CHRM3: variants seen among roughly 807,000 people sequenced by gnomAD.
CHRM3 encodes muscarinic acetylcholine receptor M3.
In CHRM3, 11 loss-of-function variants were observed where a neutral mutation model predicts 41.8. The ratio of observed to expected loss-of-function variants is 0.26; its 90% CI spans 0.17 to 0.44. The LOEUF (loss-of-function observed/expected upper bound fraction) is 0.44. Ranked by LOEUF, CHRM3 falls within the 20% of genes least tolerant of loss-of-function variation. CHRM3 has a pLI of 1.00. For missense variants in CHRM3, 571 were observed against 745.4 expected, an observed-to-expected ratio of 0.77 and a Z score of 2.72; for synonymous variants, 297 against 301.4, an observed-to-expected ratio of 0.99 and a Z score of 0.15.
intron 4 of CHRM3, among the ~76,000 whole-genome samples, chr1:239,642,626 T>C (rs1671298925): frequency 6.6e-6 from 1 of 152,212 alleles, no homozygotes; most frequent in Admixed American, 6.5e-5. Context: ...TCAGCTCCTT[T>C]AAGCACTTCT....
At chr1:239,405,678 G>T (rs1055479950) in intron 1 of CHRM3, among the ~76,000 whole-genome samples, 1 of 152,032 alleles carries the variant, frequency 6.6e-6, no homozygotes, top group African/African-American at 2.4e-5. Context: ...GCAGACAACT[G>T]CATTTGTGTG....
intron 1 of CHRM3, among the ~76,000 whole-genome samples, chr1:239,422,575 C>T (rs1316920435): frequency 2.0e-5 from 3 of 152,094 alleles, no homozygotes; most frequent in Admixed American, 2.0e-4. Context: ...GCAGGCGGAT[C>T]ATGAGGTCAG....
chr1:239,830,547 C>CA (rs1291246073), intron 6 of CHRM3, among the ~76,000 whole-genome samples: 3 of 151,990 alleles, frequency 2.0e-5, no homozygotes, highest in Non-Finnish European at 2.9e-5. Context: ...ATTAAAAATA[C>CA]AAAAAAACTA....
At chr1:239,592,412 A>C (rs1664280632) in intron 3 of CHRM3, among the ~76,000 whole-genome samples, 1 of 152,176 alleles carries the variant, frequency 6.6e-6, no homozygotes, top group African/African-American at 2.4e-5. Context: ...CTAAAAAAGA[A>C]AACACATGCC....
intron 5 of CHRM3, chr1:239,704,237 A>G (rs1335364646): frequency 2.0e-5 from 3 of 152,306 alleles, no homozygotes; most frequent in South Asian, 4.1e-4. Flanking sequence ...CCACTGATAC[A>G]GTGTTAAAGT....
At chr1:239,747,277 C>T (rs1040752809) in intron 5 of CHRM3, among the ~76,000 whole-genome samples, 1 of 152,062 alleles carries the variant, frequency 6.6e-6, no homozygotes, top group African/African-American at 2.4e-5. Context: ...CCACTATCTG[C>T]CAGGCATTGA....
At chr1:239,512,651 T>G (rs1286841093) in intron 2 of CHRM3, among the ~76,000 whole-genome samples, 1 of 152,144 alleles carries the variant, frequency 6.6e-6, no homozygotes, top group Non-Finnish European at 1.5e-5. Context: ...CTCTCCTGCT[T>G]TCTCTCACTC....
intron 1 of CHRM3, among the ~76,000 whole-genome samples, chr1:239,435,471 AAAAG>A (rs1293764991): frequency 6.6e-6 from 1 of 151,868 alleles, no homozygotes; most frequent in Non-Finnish European, 1.5e-5. Context: ...AAAAAAAAAA[AAAAG>A]AAGAAAAAAT....
intron 1 of CHRM3, among the ~76,000 whole-genome samples, chr1:239,419,834 A>G (rs1661803593): frequency 2.0e-5 from 3 of 152,220 alleles, no homozygotes; most frequent in African/African-American, 4.8e-5. Flanking sequence ...CGAGGGAACC[A>G]TCAAACTGAA....
At chr1:239,676,727 G>A (rs1160156085) in intron 4 of CHRM3, among the ~76,000 whole-genome samples, 1 of 152,144 alleles carries the variant, frequency 6.6e-6, no homozygotes, top group East Asian at 1.9e-4. Flanking sequence ...CTAGCACATG[G>A]TAGGGGTGAA....
chr1:239,438,246 AG>A (rs1439922578), intron 1 of CHRM3, among the ~76,000 whole-genome samples: 2 of 152,212 alleles, frequency 1.3e-5, no homozygotes, highest in Non-Finnish European at 2.9e-5. Context: ...ACTCTATAAA[AG>A]TATAGCTGTA....
At chr1:239,522,169 A>T (rs979598033) in intron 2 of CHRM3, among the ~76,000 whole-genome samples, 1 of 152,190 alleles carries the variant, frequency 6.6e-6, no homozygotes, top group African/African-American at 2.4e-5. Flanking sequence ...AGTGGTGTGC[A>T]ATTTCCAAAC....
chr1:239,489,182 G>C (rs576993397), intron 1 of CHRM3, among the ~76,000 whole-genome samples: 185 of 152,298 alleles, frequency 1.2e-3, no homozygotes, highest in Non-Finnish European at 2.0e-3. Context: ...GGGAGGCCAA[G>C]GCAGGCAGAT....
intron 6 of CHRM3, among the ~76,000 whole-genome samples, chr1:239,895,389 C>A (rs1005120769): frequency 1.5e-4 from 23 of 152,218 alleles, no homozygotes; most frequent in African/African-American, 5.1e-4. Context: ...CAAGTTACTG[C>A]TCATCGGACA....
At chr1:239,522,915 T>C (rs972859687) in intron 2 of CHRM3, among the ~76,000 whole-genome samples, 2 of 152,126 alleles carry the variant, frequency 1.3e-5, no homozygotes, top group Non-Finnish European at 2.9e-5. Context: ...CTTTAGTGTA[T>C]AGTATTACTA....
At chr1:239,696,172 A>G (rs1438589385) in intron 5 of CHRM3, among the ~76,000 whole-genome samples, 2 of 152,182 alleles carry the variant, frequency 1.3e-5, no homozygotes, top group Non-Finnish European at 2.9e-5. Flanking sequence ...CAGTTTCTGC[A>G]TCATTAAGAT....
At chr1:239,712,604 A>G (rs1206104203) in intron 5 of CHRM3, among the ~76,000 whole-genome samples, 1 of 152,216 alleles carries the variant, frequency 6.6e-6, no homozygotes, top group Non-Finnish European at 1.5e-5. Flanking sequence ...AAAAGAATTT[A>G]AGCATAATGC....
intron 2 of CHRM3, among the ~76,000 whole-genome samples, chr1:239,498,204 T>C (rs1225701870): frequency 6.6e-6 from 1 of 152,138 alleles, no homozygotes; most frequent in East Asian, 1.9e-4. Flanking sequence ...TAAGTACATA[T>C]CAAGGCATTT....
At chr1:239,501,825 A>G (rs1668260135) in intron 2 of CHRM3, among the ~76,000 whole-genome samples, 1 of 152,160 alleles carries the variant, frequency 6.6e-6, no homozygotes, top group South Asian at 2.1e-4. Context: ...GCTGCACTCC[A>G]GCCTGGGCGA....
Sources: allele counts gnomAD v4.1 joint callset (sites outside exome capture counted in the v4.1 genomes callset), GRCh38; gene constraint gnomAD v4.1.1; transcripts MANE v1.5; gene names NCBI Gene and HGNC (gene_info 2026-07-23, HGNC 2026-07-21).